The following SHANK2 variants were observed in gnomAD, a reference collection of about 807,000 sequenced individuals.
SHANK2 encodes the protein SH3 and multiple ankyrin repeat domains 2, also known as SH3 and multiple ankyrin repeat domains protein 2.
Under a neutral mutation model 133.7 loss-of-function variants are expected in SHANK2, and 43 were observed. That is an observed-to-expected ratio of 0.32 (90% CI 0.25 to 0.41). The LOEUF is 0.41. SHANK2 is among the 10% of genes least tolerant of loss of function. The probability of loss-of-function intolerance (pLI) is 1.00; values close to 1 mark genes in which losing one functional copy is unlikely to be tolerated. For synonymous variants in SHANK2, 1,017 were observed against 952.8 expected (o/e 1.07, Z -1.24); for missense variants, 1,994 against 2,235.8 (o/e 0.89, Z 2.18).
intron 2 of SHANK2, among the ~76,000 whole-genome samples, chr11:71,202,484 G>A (rs782497230): frequency 5.9e-5 from 9 of 152,180 alleles, no homozygotes; most frequent in Non-Finnish European, 1.2e-4. Flanking sequence ...GCGAGACAAG[G>A]CAGAGCTAGG....
At chr11:70,503,146 G>A (rs1222928753) in intron 17 of SHANK2, among the ~76,000 whole-genome samples, 2 of 152,228 alleles carry the variant, frequency 1.3e-5, no homozygotes, top group Non-Finnish European at 2.9e-5. Flanking sequence ...CTGTGGCTCA[G>A]GAGGTTGGGG....
At chr11:70,777,630 C>T (rs1473594399) in intron 14 of SHANK2, among the ~76,000 whole-genome samples, 2 of 152,222 alleles carry the variant, frequency 1.3e-5, no homozygotes, top group Non-Finnish European at 2.9e-5. Flanking sequence ...CAACTGTATC[C>T]TCCTGATTCT....
intron 7 of SHANK2, among the ~76,000 whole-genome samples, chr11:71,093,844 G>GC (rs1285294394): frequency 6.6e-6 from 1 of 152,198 alleles, no homozygotes; most frequent in Non-Finnish European, 1.5e-5. Context: ...GGACAGCGAG[G>GC]CCCCCGTCTT....
At chr11:71,100,926 G>T (rs1456386740) in intron 6 of SHANK2, among the ~76,000 whole-genome samples, 1 of 151,742 alleles carries the variant, frequency 6.6e-6, no homozygotes, top group Non-Finnish European at 1.5e-5. Context: ...AGGGATGGAC[G>T]GGTGGAGCAC....
rs185992543 is a variant in SHANK2, at chr11:70,551,660, C to T, written c.2062-48729G>A. On this transcript the variant is annotated intron_variant, in intron 17 of 25. Coordinates refer to ENST00000601538, the MANE Select transcript of SHANK2 (RefSeq NM_012309.5). ...ATAGAGCTTTAATTCTACAACGATG[C>T]GCTAGTTACGTCTTTGTACTAAGAC... Among the ~76,000 whole-genome samples the T allele has an allele frequency of 3.9e-5, 6 of 152,336 alleles. 1 individual carries two copies. The highest frequency in any genetic ancestry group is 4.1e-4 in the South Asian group (2 of 4,824).
intron 15 of SHANK2, among the ~76,000 whole-genome samples, chr11:70,689,706 C>T (rs1323328425): frequency 6.6e-6 from 1 of 152,162 alleles, no homozygotes; most frequent in Non-Finnish European, 1.5e-5. Flanking sequence ...ACCTGAACTT[C>T]CAGGCCTAGG....
intron 17 of SHANK2, among the ~76,000 whole-genome samples, chr11:70,583,202 A>C (rs549708329): frequency 4.1e-4 from 63 of 152,298 alleles, no homozygotes; most frequent in Non-Finnish European, 6.3e-4. Context: ...ATGGCTCCAA[A>C]GATGGGGGAT....
At chr11:71,122,921 G>A (rs1952106454) in intron 3 of SHANK2, among the ~76,000 whole-genome samples, 1 of 152,132 alleles carries the variant, frequency 6.6e-6, no homozygotes, top group Non-Finnish European at 1.5e-5. Flanking sequence ...CCAGTCTGTG[G>A]TTGGTTATGG....
rs144499953 is a variant in SHANK2 at position 70,869,255 on chromosome 11, T to A, written c.1174+27246A>T. Among the ~76,000 whole-genome samples the A allele has an allele frequency of 4.1e-3, 629 of 152,310 alleles. 7 individuals carry two copies. The highest frequency in any genetic ancestry group is 0.015 in the African/African-American group (607 of 41,562). ...AATGACTTGTGTAAGCCTCCCTGTC[T>A]GTGGTGCTTTATGACGGCAGCTGGA... is the stretch of plus-strand genomic sequence containing the variant. On this transcript the variant is annotated intron_variant, in intron 11 of 25. Coordinates refer to ENST00000601538, the MANE Select transcript of SHANK2 (RefSeq NM_012309.5).
intron 21 of SHANK2, among the ~76,000 whole-genome samples, chr11:70,496,445 G>A (rs766862053): frequency 2.0e-5 from 3 of 152,164 alleles, no homozygotes; most frequent in Non-Finnish European, 2.9e-5. Context: ...TGCAGGCTGC[G>A]ATTTTAGGAC....
chr11:70,839,036 G>A (rs1470475726), intron 11 of SHANK2, among the ~76,000 whole-genome samples: 1 of 152,154 alleles, frequency 6.6e-6, no homozygotes, highest in Non-Finnish European at 1.5e-5. Context: ...AATTTGTCCC[G>A]CGTTTGCCAC....
rs1555158821 is a variant in SHANK2 at position 70,502,233 on chromosome 11, A to T, written c.2251T>A (p.Ser751Thr). The part of the protein sequence containing the change: ...PTTALTLRSK[S>T]MTSELEELVD... ...AGCTCCTCCAGCTCCGAGGTCATGG[A>T]CTTGGAGCGCAGGGTGAGGGCTGTG... is the stretch of plus-strand genomic sequence containing the variant. The change falls in exon 19 of 26, where the codon TCC becomes ACC. Residue 751 changes from serine (S) to threonine (T), a missense_variant. Physicochemically the swap from Ser to Thr is moderately conservative, Grantham distance 58 (BLOSUM62 1). Around this residue, in one of 5 missense-constraint regions of SHANK2, gnomAD observed 488 missense variants for 642.6 expected, o/e 0.76. Coordinates refer to ENST00000601538, the MANE Select transcript of SHANK2 (RefSeq NM_012309.5). 2 of 1,558,788 alleles carry T rather than the reference A, an allele frequency of 1.3e-6. No individual in the cohort carries two copies. The highest frequency in any genetic ancestry group is 3.9e-5 in the Admixed American group (2 of 51,160).
chr11:70,619,477 T>C (rs2060801308), intron 17 of SHANK2, among the ~76,000 whole-genome samples: 1 of 152,162 alleles, frequency 6.6e-6, no homozygotes, highest in South Asian at 2.1e-4. Flanking sequence ...TAAGGACGCC[T>C]GTGGTCACAC....
At chr11:71,138,677 G>A (rs1952493893) in intron 3 of SHANK2, among the ~76,000 whole-genome samples, 1 of 151,668 alleles carries the variant, frequency 6.6e-6, no homozygotes, top group Non-Finnish European at 1.5e-5. Flanking sequence ...AAATCCCAGT[G>A]TGGTGGCGTG....
chr11:70,848,603 G>A (rs2135458177), intron 11 of SHANK2, among the ~76,000 whole-genome samples: 1 of 152,338 alleles, frequency 6.6e-6, no homozygotes, highest in Admixed American at 6.5e-5. Context: ...GAGGGTCCAG[G>A]AAGGAAGTAA....
chr11:71,102,603 T>C (rs896575502), intron 6 of SHANK2, among the ~76,000 whole-genome samples: 1 of 152,190 alleles, frequency 6.6e-6, no homozygotes, highest in Non-Finnish European at 1.5e-5. Context: ...GGCTAAAATA[T>C]GGGATGGGAA....
At chr11:70,686,812 G>A (rs535467820) in intron 15 of SHANK2, among the ~76,000 whole-genome samples, 32 of 152,328 alleles carry the variant, frequency 2.1e-4, no homozygotes, top group African/African-American at 7.0e-4. Flanking sequence ...GGGCAGAGGC[G>A]GGGATCAGTG....
At chr11:70,955,323 A>C (rs1950902524) in intron 10 of SHANK2, among the ~76,000 whole-genome samples, 4 of 152,028 alleles carry the variant, frequency 2.6e-5, no homozygotes, top group Non-Finnish European at 5.9e-5. Flanking sequence ...AAAACAGTGG[A>C]AGTCCCTTTC....
At chr11:70,859,179 G>T (rs557107415) in intron 11 of SHANK2, among the ~76,000 whole-genome samples, 2 of 152,288 alleles carry the variant, frequency 1.3e-5, no homozygotes, top group Admixed American at 6.5e-5. Flanking sequence ...ATAGAGAGAT[G>T]AACAGATGTC....
Sources: gnomAD v4.1 joint callset for allele counts (sites outside exome capture counted in the v4.1 genomes callset) on GRCh38, gnomAD v4.1.1 for gene constraint, gnomAD v4.1.1 regional missense constraint, MANE v1.5 for transcripts, NCBI Gene and HGNC (gene_info 2026-07-23, HGNC 2026-07-21) for gene names.